TG: variants seen among roughly 807,000 people sequenced by gnomAD.
TG encodes thyroglobulin.
A neutral mutation model predicts 324.7 loss-of-function variants in TG; 270 were observed. That is an observed-to-expected ratio of 0.83 (90% confidence interval 0.75 to 0.92). TG has a LOEUF of 0.92. Among genes scored for constraint, TG ranks in the 40% least tolerant of loss-of-function variants. TG has a pLI of 0.00. For missense variants in TG, 3,591 were observed against 3,456.4 expected (o/e 1.04, Z -0.98); for synonymous variants, 1,401 against 1,327.0 (o/e 1.06, Z -1.21).
intron 20 of TG, 129 bp from the exon 21 acceptor site, chr8:132,919,247 C>A: frequency 1.0e-6 from 1 of 991,214 alleles, no homozygotes; most frequent in Non-Finnish European, 1.5e-6. Flanking sequence ...AGTAGGTTCT[C>A]AGTGGACATT....
intron 21 of TG, among the ~76,000 whole-genome samples, chr8:132,920,018 T>C (rs1386930011): frequency 6.6e-6 from 1 of 152,238 alleles, no homozygotes; most frequent in South Asian, 2.1e-4. Context: ...AACTGGTCTT[T>C]GATCTTGGTT....
Position 133,131,923 on chromosome 8 carries a change from C to T in TG, c.7974C>T (p.Tyr2658=), listed in dbSNP as rs758989565. 18 of 1,613,996 alleles carry T rather than the reference C, an allele frequency of 1.1e-5. No individual in the cohort carries two copies. Among genetic ancestry groups the T allele is most frequent in the African/African-American group, 5.3e-5 (4 of 74,894 alleles). The change falls in exon 46 of 48, where the codon TAC becomes TAT. Residue 2658 remains tyrosine (Y), a synonymous_variant. Transcript: ENST00000220616. ...GCCTGTCGCTGAAAATCATGCAGTACTTTTCCCACTTCATCAGATCAGGGT... is the reference window on the plus strand; with the variant it reads ...GCCTGTCGCTGAAAATCATGCAGTATTTTTCCCACTTCATCAGATCAGGGT... The part of the protein sequence containing the change: ...EKSLSLKIMQ[Y]FSHFIRSGNP...
At chr8:133,024,058 C>T (rs1184671069) in intron 40 of TG, among the ~76,000 whole-genome samples, 1 of 152,270 alleles carries the variant, frequency 6.6e-6, no homozygotes, top group Non-Finnish European at 1.5e-5. Flanking sequence ...ATCTATTTCT[C>T]ACAGGAGATC....
intron 41 of TG, chr8:133,038,576 C>A (rs1370641337): frequency 1.2e-6 from 2 of 1,614,130 alleles, no homozygotes; most frequent in Non-Finnish European, 8.5e-7. Context: ...TCTCTTGCTG[C>A]CACCATACAT....
At chr8:133,019,494 G>A (rs1835361719) in intron 38 of TG, 108 bp from the exon 39 acceptor site, 1 of 877,186 alleles carries the variant, frequency 1.1e-6, no homozygotes, top group African/African-American at 1.6e-5. Context: ...CTGCAGAGCT[G>A]GTGGGATGCC....
At chr8:132,928,041 G>T (rs1020065583) in intron 22 of TG, among the ~76,000 whole-genome samples, 1 of 152,108 alleles carries the variant, frequency 6.6e-6, no homozygotes, top group Admixed American at 6.6e-5. Context: ...AGCATGCTGG[G>T]ATCACAGGCC....
intron 30 of TG, 91 bp downstream of exon 30, chr8:132,966,788 G>C: frequency 2.6e-6 from 4 of 1,527,436 alleles, no homozygotes; most frequent in Non-Finnish European, 3.6e-6. Context: ...CACAGATAAG[G>C]CCAAATTTTG....
intron 26 of TG, among the ~76,000 whole-genome samples, chr8:132,946,520 C>T (rs989602233): frequency 9.9e-5 from 15 of 152,104 alleles, no homozygotes; most frequent in East Asian, 1.9e-4. Flanking sequence ...GATCTGCTGA[C>T]GACCAGGAAC....
At position 132,869,726 on chromosome 8, in the gene TG, C is replaced by G. The variant is rs1351463474; in HGVS notation, c.177-3C>G. On this transcript the variant is annotated splice_region_variant and splice_polypyrimidine_tract_variant and intron_variant, in intron 2 of 47. Transcript: ENST00000220616. Reference sequence around the variant, plus strand: ...GGTCACCTGGTCTGTGTCTCCTCCTCAGGACTGTCCAGTGCCAGAACGACG... The same window carrying G: ...GGTCACCTGGTCTGTGTCTCCTCCTGAGGACTGTCCAGTGCCAGAACGACG... 1 of 1,614,108 alleles carries G rather than the reference C, an allele frequency of 6.2e-7. No homozygotes were observed. Among genetic ancestry groups the G allele is most frequent in the Admixed American group, 1.7e-5 (1 of 60,032 alleles).
At chr8:133,042,815 T>C (rs1838559029) in intron 41 of TG, among the ~76,000 whole-genome samples, 1 of 149,476 alleles carries the variant, frequency 6.7e-6, no homozygotes, top group Admixed American at 6.7e-5. Context: ...TGCCTCAGCC[T>C]TCCGAATAGT....
rs376259266 is a variant in TG at position 133,060,124 on chromosome 8, C to T, written c.7239+30101C>T. On this transcript the variant is annotated intron_variant, in intron 41 of 47. Coordinates refer to ENST00000220616, the MANE Select transcript of TG (RefSeq NM_003235.5). ...CCCTCCGGGTTGGGCAGGGGCCTCT[C>T]GGCAGGCGCAGGGGTGGATTTCATG... 1.4e-5 allele frequency: 22 copies of T among 1,607,794 alleles called. No individual in the cohort carries two copies. Among genetic ancestry groups the T allele is most frequent in the South Asian group, 4.4e-5 (4 of 90,088 alleles).
intron 41 of TG, among the ~76,000 whole-genome samples, chr8:133,057,855 T>TG: frequency 6.6e-6 from 1 of 152,040 alleles, no homozygotes; most frequent in Non-Finnish European, 1.5e-5. Context: ...AAGAATGATC[T>TG]CCCAAAAGCT....
At chr8:132,895,698 C>G (rs1181253235) in intron 11 of TG, among the ~76,000 whole-genome samples, 1 of 152,190 alleles carries the variant, frequency 6.6e-6, no homozygotes, top group Non-Finnish European at 1.5e-5. Flanking sequence ...TTGGGAAGAA[C>G]CATGTTGTTT....
chr8:133,071,331 T>C (rs955962632), intron 41 of TG, among the ~76,000 whole-genome samples: 3 of 152,324 alleles, frequency 2.0e-5, no homozygotes, highest in East Asian at 3.9e-4. Context: ...TGGAAAGTGC[T>C]GGAGGTGGTA....
At chr8:133,007,373 A>G (rs924376818) in intron 35 of TG, among the ~76,000 whole-genome samples, 1 of 125,076 alleles carries the variant, frequency 8.0e-6, no homozygotes, top group African/African-American at 3.0e-5. Context: ...GTGTAGATCA[A>G]TTAGTTTGGG....
At chr8:132,948,117 C>T (rs918161844) in intron 26 of TG, among the ~76,000 whole-genome samples, 1 of 152,186 alleles carries the variant, frequency 6.6e-6, no homozygotes, top group Non-Finnish European at 1.5e-5. Flanking sequence ...GAGCTCACTT[C>T]CTAACAGGGA....
chr8:133,002,048 T>A, intron 35 of TG: 1 of 985,470 alleles, frequency 1.0e-6, no homozygotes, highest in Non-Finnish European at 1.2e-6. Flanking sequence ...AGTCATGTGA[T>A]CTTTTTATAC....
At chr8:133,053,046 C>A (rs1840712787) in intron 41 of TG, among the ~76,000 whole-genome samples, 1 of 152,228 alleles carries the variant, frequency 6.6e-6, no homozygotes, top group South Asian at 2.1e-4. Context: ...CTTTCTCCAA[C>A]TTGCCAGGCA....
At chr8:133,108,323 A>G (rs2958678) in intron 43 of TG, among the ~76,000 whole-genome samples, 43,728 of 151,780 alleles carry the variant, frequency 0.29, 6,574 homozygotes, top group African/African-American at 0.34. Context: ...GTTTGGAAAA[A>G]GGGTTCCAAG....
Sources: allele counts gnomAD v4.1 joint callset (sites outside exome capture counted in the v4.1 genomes callset), GRCh38; gene constraint gnomAD v4.1.1; transcripts MANE v1.5; gene names NCBI Gene and HGNC (gene_info 2026-07-23, HGNC 2026-07-21).